PID1: variants seen among roughly 807,000 people sequenced by gnomAD.
PID1 encodes PTB-containing, cubilin and LRP1-interacting protein.
In PID1, 10 loss-of-function variants were observed where a neutral mutation model predicts 19.1. That is an observed-to-expected ratio of 0.52 (90% CI 0.32 to 0.89). The LOEUF (loss-of-function observed/expected upper bound fraction) is 0.89. Among genes scored for constraint, PID1 ranks in the 40% least tolerant of loss-of-function variants. The pLI, the probability that PID1 is intolerant of heterozygous loss-of-function variation, is 0.03. For missense variants in PID1, 248 were observed against 285.3 expected, an observed-to-expected ratio of 0.87 and a Z score of 0.94; for synonymous variants, 130 against 116.0, an observed-to-expected ratio of 1.12 and a Z score of -0.78.
intron 2 of PID1, among the ~76,000 whole-genome samples, chr2:229,133,222 A>G (rs898934628): frequency 2.4e-4 from 36 of 152,320 alleles, no homozygotes; most frequent in East Asian, 1.9e-3. Flanking sequence ...ATAATAACTA[A>G]ATATTGTTTA....
At chr2:229,262,625 G>A (rs1374067188) in intron 1 of PID1, 3 of 1,535,494 alleles carry the variant, frequency 2.0e-6, no homozygotes, top group East Asian at 2.4e-5. Flanking sequence ...ACCTAGGGCT[G>A]TTGTAACAAA....
chr2:229,062,861 G>C (rs1361797659), intron 2 of PID1, among the ~76,000 whole-genome samples: 1 of 151,928 alleles, frequency 6.6e-6, no homozygotes, highest in African/African-American at 2.4e-5. Flanking sequence ...AGTCTTGGCA[G>C]ATTCTAGGAA....
intron 2 of PID1, among the ~76,000 whole-genome samples, chr2:229,128,199 G>C (rs1695663035): frequency 6.6e-6 from 1 of 152,182 alleles, no homozygotes; most frequent in East Asian, 1.9e-4. Context: ...TATTTCCAGG[G>C]AGGCAGGAAA....
At chr2:229,232,822 T>C (rs1197220132) in intron 1 of PID1, among the ~76,000 whole-genome samples, 1 of 130,438 alleles carries the variant, frequency 7.7e-6, no homozygotes, top group Non-Finnish European at 1.7e-5. Context: ...TATATATATA[T>C]ATTTACATGC....
intron 2 of PID1, among the ~76,000 whole-genome samples, chr2:229,100,929 A>T (rs2215604): frequency 0.91 from 139,007 of 152,222 alleles, 63,692 homozygotes; most frequent in Admixed American, 0.95. Flanking sequence ...GTCTCTTAAA[A>T]AACCCACTGA....
At chr2:229,249,752 G>C (rs570797539) in intron 1 of PID1, among the ~76,000 whole-genome samples, 1 of 152,310 alleles carries the variant, frequency 6.6e-6, no homozygotes, top group South Asian at 2.1e-4. Flanking sequence ...CAACTGCTAT[G>C]ACAGGAGTAT....
Position 229,070,529 on chromosome 2 carries a change from C to T in PID1, c.178-44421G>A, listed in dbSNP as rs115981683. Among the ~76,000 whole-genome samples, 335 of 152,274 alleles carry T rather than the reference C, an allele frequency of 2.2e-3. 3 individuals are homozygous for T. Among genetic ancestry groups the T allele is most frequent in the African/African-American group, 7.7e-3 (322 of 41,556 alleles). On this transcript the variant is annotated intron_variant, in intron 2 of 2. Transcript: ENST00000392055. The stretch of plus-strand genomic sequence containing the variant: ...GTAGCTAAGAAGCTCTGATCATAAA[C>T]TTATATCCAGTAATTTTGTGGCCCC...
In PID1 at chr2:229,178,968, CTGGAAAGGTCAGATG is replaced by C. The variant is rs538385862; in HGVS notation, c.31-23019_31-23005del. On this transcript the variant is annotated intron_variant, in intron 1 of 2. Coordinates refer to ENST00000392055, the MANE Select transcript of PID1 (RefSeq NM_001100818.2). ...GCCCCAACCCAAAGCCAGATCCTCTCTGGAAAGGTCAGATGTGAAAACTCAGTCCAAAGAAATTGC... is the reference window on the plus strand; with the variant it reads ...GCCCCAACCCAAAGCCAGATCCTCTCTGAAAACTCAGTCCAAAGAAATTGC... Among the ~76,000 whole-genome samples, 307 of 152,292 alleles carry C rather than the reference CTGGAAAGGTCAGATG, an allele frequency of 2.0e-3. 2 individuals are homozygous for C. The highest frequency in any genetic ancestry group is 7.2e-3 in the African/African-American group (299 of 41,566).
rs535106441 is a variant in PID1 at position 229,187,544 on chromosome 2, C to T, written c.31-31580G>A. The stretch of plus-strand genomic sequence containing the variant: ...ATCATGTGAGACTTACTCACTACCA[C>T]GAGAATAGCATAGGAAAGACCAGCC... On this transcript the variant is annotated intron_variant, in intron 1 of 2. Coordinates refer to ENST00000392055, the MANE Select transcript of PID1 (RefSeq NM_001100818.2). Among the ~76,000 whole-genome samples the T allele has an allele frequency of 1.7e-4, 26 of 152,184 alleles. No homozygotes were observed. In the East Asian group the frequency reaches 2.3e-3, roughly 14 times the overall value.
At chr2:229,214,578 G>A (rs143812161) in intron 1 of PID1, among the ~76,000 whole-genome samples, 85 of 152,240 alleles carry the variant, frequency 5.6e-4, no homozygotes, top group African/African-American at 1.9e-3. Flanking sequence ...AAAGAATCGA[G>A]CACTGTTTTA....
At chr2:229,257,309 T>A (rs927631228) in intron 1 of PID1, among the ~76,000 whole-genome samples, 2 of 152,210 alleles carry the variant, frequency 1.3e-5, no homozygotes, top group African/African-American at 4.8e-5. Context: ...CCAGGGACAG[T>A]GCTAACTGCT....
chr2:229,161,245 T>C (rs757497945), intron 1 of PID1, among the ~76,000 whole-genome samples: 4 of 152,072 alleles, frequency 2.6e-5, no homozygotes, highest in Non-Finnish European at 5.9e-5. Flanking sequence ...CCAATCGAAG[T>C]CAGCCTGAGA....
intron 2 of PID1, among the ~76,000 whole-genome samples, chr2:229,032,661 T>C (rs1471421249): frequency 1.3e-5 from 2 of 152,188 alleles, no homozygotes; most frequent in Admixed American, 6.5e-5. Context: ...GAAATTGCGG[T>C]AAATACCAGC....
intron 1 of PID1, among the ~76,000 whole-genome samples, chr2:229,159,937 G>A (rs1690458917): frequency 1.3e-5 from 2 of 152,162 alleles, no homozygotes; most frequent in Non-Finnish European, 2.9e-5. Context: ...ATAGGTCACT[G>A]AGAGTGAGAT....
intron 1 of PID1, among the ~76,000 whole-genome samples, chr2:229,222,657 G>A (rs1462257996): frequency 6.6e-6 from 1 of 152,166 alleles, no homozygotes; most frequent in African/African-American, 2.4e-5. Context: ...CACCCAACCT[G>A]TTGAAGGCAT....
intron 1 of PID1, among the ~76,000 whole-genome samples, chr2:229,169,601 T>C (rs1458176568): frequency 6.6e-6 from 1 of 152,216 alleles, no homozygotes; most frequent in Non-Finnish European, 1.5e-5. Flanking sequence ...GCATTACTTA[T>C]CATTTCCAAA....
chr2:229,074,061 A>G (rs946974919), intron 2 of PID1, among the ~76,000 whole-genome samples: 2 of 152,232 alleles, frequency 1.3e-5, no homozygotes, highest in Non-Finnish European at 2.9e-5. Flanking sequence ...TCATTAAAGC[A>G]TAAGTCAAAC....
chr2:229,105,044 G>A (rs535059814), intron 2 of PID1, among the ~76,000 whole-genome samples: 16 of 152,316 alleles, frequency 1.1e-4, no homozygotes, highest in Admixed American at 8.5e-4. Flanking sequence ...CAGTTAACCT[G>A]CTGAATGTTT....
In PID1 at chr2:229,155,905, G is replaced by A. The variant is rs1333485830; in HGVS notation, c.90C>T (p.Leu30=). The change falls in exon 2 of 3, where the codon CTC becomes CTT. Residue 30 remains leucine, a synonymous_variant. Coordinates refer to ENST00000392055, the MANE Select transcript of PID1 (RefSeq NM_001100818.2). ...LNVLTLKKEP[L]PAVIFHEPEA... is the part of the protein sequence containing the mutation. ...CCGGCTCATGGAAGATGACCGCTGG[G>A]AGAGGTTCCTTTTTCAGTGTTAAGA... The A allele has an allele frequency of 1.9e-6, 3 of 1,613,960 alleles. No individual in the cohort carries two copies. Among genetic ancestry groups the A allele is most frequent in the Non-Finnish European group, 2.5e-6 (3 of 1,179,938 alleles).
Sources: gnomAD v4.1 joint callset for allele counts (sites outside exome capture counted in the v4.1 genomes callset) on GRCh38, gnomAD v4.1.1 for gene constraint, MANE v1.5 for transcripts, NCBI Gene and HGNC (gene_info 2026-07-23, HGNC 2026-07-21) for gene names.